The following INTS3 variants were observed in gnomAD, a reference collection of about 807,000 sequenced individuals.
The protein encoded by INTS3 is integrator complex subunit 3, also known as SOSS complex subunit A.
INTS3 carries 34 observed loss-of-function variants against 146.3 expected under a neutral mutation model. The observed-to-expected ratio is 0.23, with a 90% CI of 0.18 to 0.31. The LOEUF is 0.31. Ranked by LOEUF, INTS3 falls within the 10% of genes least tolerant of loss-of-function variation. The pLI, the probability that INTS3 is intolerant of heterozygous loss-of-function variation, is 1.00. For synonymous variants in INTS3, 475 were observed against 494.9 expected, an observed-to-expected ratio of 0.96 and a Z score of 0.53; for missense variants, 757 against 1,304.2, an observed-to-expected ratio of 0.58 and a Z score of 6.46.
chr1:153,741,226 G>GT (rs1671522879), intron 2 of INTS3, 59 bp from the exon 3 acceptor site: 6 of 1,271,838 alleles, frequency 4.7e-6, no homozygotes, highest in Non-Finnish European at 6.9e-6. Context: ...GAGAAACTGA[G>GT]TTTGAGAACT....
At chr1:153,731,109 G>A (rs1192133070) in intron 1 of INTS3, among the ~76,000 whole-genome samples, 1 of 152,114 alleles carries the variant, frequency 6.6e-6, no homozygotes, top group Non-Finnish European at 1.5e-5. Flanking sequence ...AAACAGGTTG[G>A]AGGACATCCA....
intron 10 of INTS3, among the ~76,000 whole-genome samples, chr1:153,759,015 C>T (rs1672271715): frequency 6.6e-6 from 1 of 151,436 alleles, no homozygotes; most frequent in African/African-American, 2.4e-5. Context: ...ACCAAGGAGG[C>T]TGAGGCTGGG....
chr1:153,746,831 A>G (rs1019609030), intron 3 of INTS3, 126 bp from the exon 4 acceptor site: 1 of 628,834 alleles, frequency 1.6e-6, no homozygotes, highest in African/African-American at 1.8e-5. Context: ...AAAGTATTTC[A>G]TTGCTACTCG....
chr1:153,768,038 G>A (rs1471713329), intron 21 of INTS3, among the ~76,000 whole-genome samples: 1 of 152,078 alleles, frequency 6.6e-6, no homozygotes, highest in Non-Finnish European at 1.5e-5. Context: ...CTATACTTTG[G>A]TGTAACTGAT....
At chr1:153,728,822 GTTTTGGAGGGATACTGGAGCGGATACC>G in intron 1 of INTS3, 38 bp downstream of exon 1, 3 of 1,141,466 alleles carry the variant, frequency 2.6e-6, no homozygotes, top group Non-Finnish European at 3.6e-6. Context: ...AAGAAATTGG[GTTTTGGAGGGATACTGGAGCGGATACC>G]GGGTGGGAGG....
chr1:153,761,263 C>T (rs1672371798), intron 13 of INTS3: 1 of 502,214 alleles, frequency 2.0e-6, no homozygotes, highest in Non-Finnish European at 3.4e-6. Flanking sequence ...GTAATCCCAG[C>T]ACTTTGGGAG....
intron 10 of INTS3, among the ~76,000 whole-genome samples, chr1:153,758,144 C>G (rs1672230633): frequency 6.6e-6 from 1 of 152,174 alleles, no homozygotes; most frequent in Non-Finnish European, 1.5e-5. Flanking sequence ...TTGGCATCAG[C>G]TTTGTCTACT....
intron 2 of INTS3, 105 bp downstream of exon 2, chr1:153,740,839 T>C (rs778779042): frequency 1.1e-6 from 1 of 891,272 alleles, no homozygotes; most frequent in Non-Finnish European, 1.9e-6. Context: ...GGACTGAAAT[T>C]CATCAAGTCT....
intron 25 of INTS3, among the ~76,000 whole-genome samples, 172 bp downstream of exon 25, chr1:153,770,905 C>T (rs998030153): frequency 6.6e-6 from 1 of 152,196 alleles, no homozygotes; most frequent in Non-Finnish European, 1.5e-5. Flanking sequence ...CCCCTGGGAT[C>T]TGGGCTTCCT....
At chr1:153,751,387 G>A (rs1022274846) in intron 7 of INTS3, 148 bp downstream of exon 7, 11 of 775,120 alleles carry the variant, frequency 1.4e-5, no homozygotes, top group African/African-American at 3.5e-5. Flanking sequence ...ACAGATGAGG[G>A]TAGAAAGGAG....
At position 153,728,181 on chromosome 1, in the gene INTS3, C is replaced by T. The variant is rs1670920246; in HGVS notation, c.-454C>T. 1 of 398,068 alleles carries T rather than the reference C, an allele frequency of 2.5e-6. No individual in the cohort carries two copies. Among genetic ancestry groups the T allele is most frequent in the Non-Finnish European group, 4.4e-6 (1 of 225,702 alleles). The allele number at this position is 398,068 out of a possible 1,614,324, so 24.7% of individuals were successfully genotyped here. ...AGGGGCCGGATCCAAAGGCGCTGCACTCCCCAAGCCTTGGGGCATCAGCCA... is the reference window on the plus strand; with the variant it reads ...AGGGGCCGGATCCAAAGGCGCTGCATTCCCCAAGCCTTGGGGCATCAGCCA... On this transcript the variant is annotated 5_prime_UTR_variant, in exon 1 of 30. Transcript: ENST00000318967.
rs1257693386 is a variant in INTS3 at position 153,772,046 on chromosome 1, G to GTGGTGA, written c.2720+87_2720+92dup. 9 of 1,358,010 alleles carry GTGGTGA rather than the reference G, an allele frequency of 6.6e-6. No individual in the cohort carries two copies. Among genetic ancestry groups the GTGGTGA allele is most frequent in the South Asian group, 1.4e-5 (1 of 73,326 alleles). 84.1% of individuals were successfully genotyped at this position (1,358,010 alleles called of 1,614,324 possible). A position where few individuals can be genotyped will look rare whatever the true frequency, so the allele number is the denominator to read the frequency against. On this transcript the variant is annotated intron_variant, in intron 26 of 29. Coordinates refer to ENST00000318967, the MANE Select transcript of INTS3 (RefSeq NM_023015.5). This position sits in a 1 kb window ranked among gnomAD's most constrained non-coding sequence, Gnocchi z 4.6. Reference sequence around the variant, plus strand: ...GGTGGTGGTGGTGGTGGTGGTGGTGGTGGTGATGGGGGTCAGTGCTGTCCC... The same window carrying GTGGTGA: ...GGTGGTGGTGGTGGTGGTGGTGGTGGTGGTGATGGTGATGGGGGTCAGTGCTGTCCC...
intron 11 of INTS3, chr1:153,759,911 C>G: frequency 4.0e-6 from 2 of 505,994 alleles, no homozygotes; most frequent in Non-Finnish European, 7.0e-6. Context: ...TATTACTTCC[C>G]TTCTCAAAGC....
chr1:153,759,274 G>GA (rs11296120), intron 10 of INTS3, among the ~76,000 whole-genome samples: 18,771 of 143,276 alleles, frequency 0.13, 2,059 homozygotes, highest in African/African-American at 0.31. Context: ...ACCCTGTCTG[G>GA]AAAAAAAAAA....
chr1:153,772,279 G>A lies in INTS3; in HGVS notation c.2721-61G>A, dbSNP rs1026659678. The A allele has an allele frequency of 6.4e-7, 1 of 1,565,282 alleles. No individual in the cohort carries two copies. Among genetic ancestry groups the A allele is most frequent in the Non-Finnish European group, 8.7e-7 (1 of 1,147,720 alleles). On this transcript the variant is annotated intron_variant, in intron 26 of 29. Transcript: ENST00000318967. The surrounding 1 kb of genome is among the most constrained non-coding windows in gnomAD (Gnocchi z 4.6). The stretch of plus-strand genomic sequence containing the variant: ...CTTAAGGGGGCCCTGGCGGGTGGAG[G>A]GTGTCTCGCACTCTGGAACCCTCCC...
intron 1 of INTS3, among the ~76,000 whole-genome samples, chr1:153,731,232 G>A (rs1426249753): frequency 6.6e-6 from 1 of 152,106 alleles, no homozygotes; most frequent in Non-Finnish European, 1.5e-5. Context: ...GAAGAGACAG[G>A]TCATTATAAT....
At chr1:153,770,784 G>C in intron 25 of INTS3, 51 bp downstream of exon 25, 1 of 1,435,926 alleles carries the variant, frequency 7.0e-7, no homozygotes, top group Non-Finnish European at 9.8e-7. Context: ...CATCCCAAGA[G>C]CTGCTGTGGT....
chr1:153,764,577 G>T (rs1672504073), intron 18 of INTS3, 113 bp from the exon 19 acceptor site: 3 of 830,926 alleles, frequency 3.6e-6, no homozygotes, highest in Admixed American at 1.7e-5. Context: ...GCAGCAGGAA[G>T]TTTGCCTTTT....
chr1:153,743,098 G>A (rs1671599140), intron 3 of INTS3, among the ~76,000 whole-genome samples: 1 of 152,234 alleles, frequency 6.6e-6, no homozygotes, highest in South Asian at 2.1e-4. Context: ...GGAAGAATTA[G>A]TGACGTATCT....
Sources: allele counts gnomAD v4.1 joint callset (sites outside exome capture counted in the v4.1 genomes callset), GRCh38; gene constraint gnomAD v4.1.1; non-coding constraint Gnocchi (gnomAD v3.1); transcripts MANE v1.5; gene names NCBI Gene and HGNC (gene_info 2026-07-23, HGNC 2026-07-21).